The following RBFOX1 variants were observed in gnomAD, a reference collection of about 807,000 sequenced individuals.
RBFOX1 encodes RNA binding protein fox-1 homolog 1.
RBFOX1 carries 8 observed loss-of-function variants against 57.7 expected under a neutral mutation model. The observed-to-expected ratio is 0.14, with a 90% CI of 0.08 to 0.25. RBFOX1 has a LOEUF of 0.25. Among genes scored for constraint, RBFOX1 ranks in the 10% least tolerant of loss-of-function variants. The pLI is 1.00. For synonymous variants in RBFOX1, 326 were observed against 222.4 expected (o/e 1.47, Z -4.15); for missense variants, 611 against 548.5 (o/e 1.11, Z -1.14).
intron 3 of RBFOX1, among the ~76,000 whole-genome samples, chr16:6,696,642 G>T (rs1603437891): frequency 3.3e-5 from 5 of 152,062 alleles, no homozygotes; most frequent in Admixed American, 3.3e-4. Context: ...ATTCCCTTCT[G>T]CTATCTGTAC....
At chr16:5,933,075 C>G (rs1597847462) in intron 4 of RBFOX1, among the ~76,000 whole-genome samples, 1 of 152,226 alleles carries the variant, frequency 6.6e-6, no homozygotes, top group Non-Finnish European at 1.5e-5. Context: ...GGCAGACAAA[C>G]AGCTCTGGAA....
chr16:6,794,890 C>G (rs185847181), intron 3 of RBFOX1, among the ~76,000 whole-genome samples: 15 of 152,202 alleles, frequency 9.9e-5, no homozygotes, highest in Admixed American at 9.2e-4. Flanking sequence ...GGAGGGAAGG[C>G]CTCTGGATCA....
At chr16:7,252,849 A>G (rs1196254612) in intron 4 of RBFOX1, among the ~76,000 whole-genome samples, 5 of 152,130 alleles carry the variant, frequency 3.3e-5, no homozygotes, top group African/African-American at 9.7e-5. Context: ...AATTCAGACC[A>G]AGTGATCTTT....
intron 1 of RBFOX1, among the ~76,000 whole-genome samples, chr16:5,376,088 A>C (rs1466525693): frequency 6.6e-6 from 1 of 151,876 alleles, no homozygotes; most frequent in African/African-American, 2.4e-5. Context: ...GAATTGCTTG[A>C]ACCTGGGAGG....
intron 4 of RBFOX1, among the ~76,000 whole-genome samples, chr16:7,452,017 T>A (rs1323514788): frequency 6.6e-6 from 1 of 152,166 alleles, no homozygotes; most frequent in Non-Finnish European, 1.5e-5. Flanking sequence ...AGAGAAAGAT[T>A]CTTATTCCAT....
chr16:6,447,561 T>A (rs899068053), intron 2 of RBFOX1, among the ~76,000 whole-genome samples: 3 of 152,192 alleles, frequency 2.0e-5, no homozygotes, highest in Non-Finnish European at 2.9e-5. Context: ...AGTGCCTGTT[T>A]TTAGACCGTG....
chr16:6,076,335 C>G lies in RBFOX1; in HGVS notation c.-127+56343C>G, dbSNP rs567795620. 9.3e-5 allele frequency among the ~76,000 whole-genome samples: 14 copies of G among 150,512 alleles called. 1 individual carries two copies. Among genetic ancestry groups the G allele is most frequent in the African/African-American group, 3.5e-4 (14 of 40,230 alleles). On this transcript the variant is annotated intron_variant, in intron 1 of 15. Coordinates refer to ENST00000550418, the MANE Select transcript of RBFOX1 (RefSeq NM_018723.4). ...AACAACAAACGCACAAACACACGCGCACACACACACATACACACACACACA... is the reference window on the plus strand; with the variant it reads ...AACAACAAACGCACAAACACACGCGGACACACACACATACACACACACACA...
At chr16:7,629,127 A>G (rs1042751902) in intron 10 of RBFOX1, among the ~76,000 whole-genome samples, 2 of 152,200 alleles carry the variant, frequency 1.3e-5, no homozygotes, top group African/African-American at 4.8e-5. Context: ...ACCATGGGAC[A>G]TTCCTTCAGG....
chr16:7,348,949 AAAAG>A (rs1227390671), intron 4 of RBFOX1, among the ~76,000 whole-genome samples: 3 of 152,148 alleles, frequency 2.0e-5, no homozygotes, highest in African/African-American at 7.2e-5. Context: ...CTCAAAGAAA[AAAAG>A]AATGAAGAGA....
intron 4 of RBFOX1, among the ~76,000 whole-genome samples, chr16:7,175,757 A>G (rs569724962): frequency 6.6e-6 from 1 of 152,250 alleles, no homozygotes; most frequent in East Asian, 1.9e-4. Flanking sequence ...TTTTTTTGAT[A>G]AAATGTCTTC....
At chr16:6,789,330 G>A (rs2082509569) in intron 3 of RBFOX1, among the ~76,000 whole-genome samples, 1 of 152,126 alleles carries the variant, frequency 6.6e-6, no homozygotes, top group South Asian at 2.1e-4. Flanking sequence ...TGTCTTCAAG[G>A]TGGTGAGTTT....
At chr16:7,113,730 A>C (rs74460898) in intron 4 of RBFOX1, among the ~76,000 whole-genome samples, 11 of 152,152 alleles carry the variant, frequency 7.2e-5, no homozygotes, top group African/African-American at 2.4e-4. Flanking sequence ...AAGGCTGCAT[A>C]ATGTCCTATG....
intron 2 of RBFOX1, among the ~76,000 whole-genome samples, chr16:6,561,092 G>A (rs1384422150): frequency 6.6e-6 from 1 of 152,146 alleles, no homozygotes; most frequent in Non-Finnish European, 1.5e-5. Context: ...CATTAGTGCT[G>A]TTTTAATTTG....
chr16:7,268,930 A>G (rs1333413804), intron 4 of RBFOX1, among the ~76,000 whole-genome samples: 25 of 151,130 alleles, frequency 1.7e-4, no homozygotes, highest in Non-Finnish European at 5.9e-5. Context: ...CCAGCTACTC[A>G]GGAGCCTGAG....
At chr16:7,477,899 C>T (rs1324262204) in intron 4 of RBFOX1, among the ~76,000 whole-genome samples, 3 of 152,198 alleles carry the variant, frequency 2.0e-5, no homozygotes, top group African/African-American at 7.2e-5. Flanking sequence ...CTAACAAAGA[C>T]ATCTTAAAGC....
At position 6,645,343 on chromosome 16, in the gene RBFOX1, T is replaced by C. The variant is rs577824021; in HGVS notation, c.-63-9260T>C. On this transcript the variant is annotated intron_variant, in intron 2 of 15. Transcript: ENST00000550418. Reference sequence around the variant, plus strand: ...TTTGGGGGGCTGCTGTTGAACCCCGTGCTGGCTACTCACTTCTAAATCCTC... The same window carrying C: ...TTTGGGGGGCTGCTGTTGAACCCCGCGCTGGCTACTCACTTCTAAATCCTC... Among the ~76,000 whole-genome samples, 31 of 152,256 alleles carry C rather than the reference T, an allele frequency of 2.0e-4. 1 individual carries two copies. In the South Asian group the frequency reaches 5.2e-3, roughly 25 times the overall value.
At chr16:5,715,936 G>A (rs566741918) in intron 3 of RBFOX1, among the ~76,000 whole-genome samples, 1 of 152,164 alleles carries the variant, frequency 6.6e-6, no homozygotes, top group Non-Finnish European at 1.5e-5. Flanking sequence ...CAGCATAGTT[G>A]TATTTGTCTA....
intron 2 of RBFOX1, among the ~76,000 whole-genome samples, chr16:6,629,297 T>G (rs1253481645): frequency 6.6e-6 from 1 of 152,160 alleles, no homozygotes; most frequent in Non-Finnish European, 1.5e-5. Context: ...GCATATAAAA[T>G]GTGCGAGGCT....
intron 4 of RBFOX1, among the ~76,000 whole-genome samples, chr16:7,435,214 T>A (rs565681728): frequency 2.0e-5 from 3 of 152,170 alleles, no homozygotes; most frequent in Admixed American, 2.0e-4. Context: ...GACTGTTTCT[T>A]AGACTCTGCT....
Sources: allele counts gnomAD v4.1 joint callset (sites outside exome capture counted in the v4.1 genomes callset), GRCh38; gene constraint gnomAD v4.1.1; transcripts MANE v1.5; gene names NCBI Gene and HGNC (gene_info 2026-07-23, HGNC 2026-07-21).